The following NRG3 variants were observed in gnomAD, a reference collection of about 807,000 sequenced individuals.
The protein encoded by NRG3 is neuregulin 3.
In NRG3, 31 loss-of-function variants were observed where a neutral mutation model predicts 66.9. The observed-to-expected ratio is 0.46, with a 90% confidence interval of 0.35 to 0.63. The LOEUF (loss-of-function observed/expected upper bound fraction) is 0.63, where lower values mean the gene tolerates loss of function less well. Among genes scored for constraint, NRG3 ranks in the 20% least tolerant of loss-of-function variants. The probability of loss-of-function intolerance (pLI) is 0.00; values close to 1 mark genes in which losing one functional copy is unlikely to be tolerated. For missense variants in NRG3, 910 were observed against 878.9 expected, an observed-to-expected ratio of 1.04 and a Z score of -0.45; for synonymous variants, 393 against 359.4, an observed-to-expected ratio of 1.09 and a Z score of -1.06.
At chr10:82,595,740 A>G (rs896089766) in intron 2 of NRG3, among the ~76,000 whole-genome samples, 4 of 152,010 alleles carry the variant, frequency 2.6e-5, no homozygotes, top group African/African-American at 9.7e-5. Context: ...AGCCGAGATC[A>G]TGCCATTGCA....
chr10:81,976,746 A>G (rs1483328467), intron 1 of NRG3, among the ~76,000 whole-genome samples: 2 of 152,192 alleles, frequency 1.3e-5, no homozygotes, highest in African/African-American at 4.8e-5. Context: ...GTGCAATTCT[A>G]CACACAATTA....
intron 1 of NRG3, among the ~76,000 whole-genome samples, chr10:81,910,521 T>TGC (rs201609763): frequency 0.01 from 1,581 of 152,360 alleles, 33 homozygotes; most frequent in African/African-American, 0.036. Flanking sequence ...GCATATTTTT[T>TGC]AACCTTAGTG....
intron 1 of NRG3, among the ~76,000 whole-genome samples, chr10:82,312,899 G>A (rs2081105183): frequency 6.6e-6 from 1 of 152,128 alleles, no homozygotes; most frequent in Non-Finnish European, 1.5e-5. Flanking sequence ...ATTGTTGGCT[G>A]TCAACGGTGG....
At chr10:82,205,314 A>G (rs1029753843) in intron 1 of NRG3, among the ~76,000 whole-genome samples, 3 of 152,130 alleles carry the variant, frequency 2.0e-5, no homozygotes, top group Non-Finnish European at 4.4e-5. Context: ...TCTGGGTTCC[A>G]TCTGTTTCTT....
At chr10:81,898,264 C>G (rs1458247777) in intron 1 of NRG3, among the ~76,000 whole-genome samples, 1 of 152,176 alleles carries the variant, frequency 6.6e-6, no homozygotes, top group Admixed American at 6.5e-5. Flanking sequence ...AAGACCCCTG[C>G]CAGCAAGAGC....
At chr10:82,899,362 A>G (rs553147229) in intron 4 of NRG3, among the ~76,000 whole-genome samples, 4 of 152,214 alleles carry the variant, frequency 2.6e-5, no homozygotes, top group African/African-American at 9.7e-5. Flanking sequence ...AAAATAATAC[A>G]GATAACAACT....
intron 2 of NRG3, among the ~76,000 whole-genome samples, chr10:82,682,538 T>A (rs1565198319): frequency 6.6e-6 from 1 of 152,326 alleles, no homozygotes; most frequent in South Asian, 2.1e-4. Flanking sequence ...TAATAGTGCT[T>A]GCTCTAACAA....
At position 82,142,766 on chromosome 10, in the gene NRG3, C is replaced by CTTTT. The variant is rs3036609; in HGVS notation, c.824-215957_824-215954dup. ...GAGAGTCCTCTCTCTCTCTCTCGCT[C>CTTTT]TTTTTTTTTTTTTTTTTTTGAGACA... On this transcript the variant is annotated intron_variant, in intron 1 of 8. Coordinates refer to ENST00000372141, the MANE Select transcript of NRG3 (RefSeq NM_001010848.4). 1.3e-3 allele frequency among the ~76,000 whole-genome samples: 148 copies of CTTTT among 110,626 alleles called. 3 individuals are homozygous for CTTTT. The highest frequency in any genetic ancestry group is 2.4e-3 in the African/African-American group (68 of 28,390). The allele number at this position is 110,626 out of a possible 152,430, so 72.6% of individuals were successfully genotyped here. A position where few individuals can be genotyped will look rare whatever the true frequency, so the allele number is the denominator to read the frequency against.
chr10:82,885,381 T>A (rs564082475), intron 4 of NRG3, among the ~76,000 whole-genome samples: 1 of 152,224 alleles, frequency 6.6e-6, no homozygotes, highest in South Asian at 2.1e-4. Flanking sequence ...TCCGGGGAGA[T>A]TGCCTTATTA....
intron 4 of NRG3, among the ~76,000 whole-genome samples, chr10:82,892,291 A>C (rs1843223429): frequency 6.6e-6 from 1 of 152,188 alleles, no homozygotes; most frequent in African/African-American, 2.4e-5. Flanking sequence ...GCCAAAAAAA[A>C]AGGCAAGCGA....
chr10:82,400,631 G>T (rs2087027018), intron 2 of NRG3, among the ~76,000 whole-genome samples: 1 of 150,544 alleles, frequency 6.6e-6, no homozygotes, highest in South Asian at 2.1e-4. Context: ...GCAGTGGTGT[G>T]ATCATAATTC....
intron 3 of NRG3, chr10:82,859,186 A>T (rs2063978433): frequency 6.6e-6 from 1 of 152,226 alleles, no homozygotes; most frequent in African/African-American, 2.4e-5. Context: ...TGACCTCGTG[A>T]TCCGCCTACC....
chr10:82,236,549 T>A (rs73304646), intron 1 of NRG3, among the ~76,000 whole-genome samples: 27,000 of 152,086 alleles, frequency 0.18, 3,983 homozygotes, highest in African/African-American at 0.39. Context: ...TGCTGTTCCC[T>A]GCATCCTTAA....
At chr10:82,489,911 C>T (rs915204601) in intron 2 of NRG3, among the ~76,000 whole-genome samples, 3 of 152,140 alleles carry the variant, frequency 2.0e-5, no homozygotes, top group Non-Finnish European at 4.4e-5. Flanking sequence ...CTTTCCACAG[C>T]CCAGTGCTGT....
chr10:82,808,909 G>A (rs1000328588), intron 3 of NRG3, among the ~76,000 whole-genome samples: 2 of 152,176 alleles, frequency 1.3e-5, no homozygotes, highest in African/African-American at 2.4e-5. Context: ...ATTGGGGTCA[G>A]TGCTACAGTG....
chr10:82,480,840 A>G (rs1366782819), intron 2 of NRG3, among the ~76,000 whole-genome samples: 9 of 152,216 alleles, frequency 5.9e-5, no homozygotes, highest in Admixed American at 3.3e-4. Flanking sequence ...TGATGGAAGT[A>G]AACTTGCACT....
At chr10:82,787,534 G>T (rs928897028) in intron 3 of NRG3, among the ~76,000 whole-genome samples, 1 of 152,114 alleles carries the variant, frequency 6.6e-6, no homozygotes, top group Non-Finnish European at 1.5e-5. Context: ...CAGTAGAAAG[G>T]TATTTCATGG....
intron 2 of NRG3, among the ~76,000 whole-genome samples, chr10:82,636,021 G>A (rs180953950): frequency 7.2e-4 from 109 of 152,264 alleles, no homozygotes; most frequent in African/African-American, 2.5e-3. Context: ...AGGAGTAGTA[G>A]CAACAATGGA....
At chr10:82,146,764 C>A (rs1178574782) in intron 1 of NRG3, among the ~76,000 whole-genome samples, 1 of 152,078 alleles carries the variant, frequency 6.6e-6, no homozygotes, top group African/African-American at 2.4e-5. Context: ...TATGATCTGA[C>A]AGATGGGTAG....
Sources: allele counts gnomAD v4.1 joint callset (sites outside exome capture counted in the v4.1 genomes callset), GRCh38; gene constraint gnomAD v4.1.1; transcripts MANE v1.5; gene names NCBI Gene and HGNC (gene_info 2026-07-23, HGNC 2026-07-21).